ROCK2: variants seen among roughly 807,000 people sequenced by gnomAD.
The protein encoded by ROCK2 is Rho associated coiled-coil containing protein kinase 2, also known as rho-associated protein kinase 2.
ROCK2 carries 61 observed loss-of-function variants against 195.1 expected under a neutral mutation model. The observed-to-expected ratio is 0.31, with a 90% CI of 0.25 to 0.39. ROCK2 has a LOEUF of 0.39. Ranked by LOEUF, ROCK2 falls within the 10% of genes least tolerant of loss-of-function variation. ROCK2 has a pLI of 1.00. For missense variants in ROCK2, 1,109 were observed against 1,637.4 expected (o/e 0.68, Z 5.57); for synonymous variants, 504 against 545.5 (o/e 0.92, Z 1.06).
intron 1 of ROCK2, among the ~76,000 whole-genome samples, chr2:11,316,724 G>A (rs567537638): frequency 2.0e-5 from 3 of 152,248 alleles, no homozygotes; most frequent in African/African-American, 7.2e-5. Context: ...ATGCGACCAT[G>A]TATTTTAAGT....
chr2:11,216,136 T>A, intron 13 of ROCK2, 22 bp downstream of exon 13: 2 of 1,602,436 alleles, frequency 1.2e-6, no homozygotes, highest in Non-Finnish European at 8.5e-7. Context: ...AAAATGTTAA[T>A]AAAAAAGTGG....
At chr2:11,205,148 T>C (rs1664004252) in intron 20 of ROCK2, among the ~76,000 whole-genome samples, 1 of 152,214 alleles carries the variant, frequency 6.6e-6, no homozygotes, top group African/African-American at 2.4e-5. Flanking sequence ...CCAGAGGTTG[T>C]ACCCAATTAC....
At chr2:11,189,391 T>C (rs1000324564) in intron 32 of ROCK2, among the ~76,000 whole-genome samples, 5 of 152,186 alleles carry the variant, frequency 3.3e-5, no homozygotes, top group African/African-American at 1.2e-4. Flanking sequence ...TCCAGTAGAA[T>C]GTTAAAAACC....
chr2:11,198,395 T>A (rs1301222720), intron 25 of ROCK2, 96 bp downstream of exon 25: 40 of 829,320 alleles, frequency 4.8e-5, no homozygotes, highest in Non-Finnish European at 6.6e-5. Context: ...GTACATTCGA[T>A]GACTACTGCT....
chr2:11,245,048 A>T (rs1242059940), intron 4 of ROCK2, among the ~76,000 whole-genome samples: 1 of 151,864 alleles, frequency 6.6e-6, no homozygotes, highest in African/African-American at 2.4e-5. Context: ...TCCCACTTTT[A>T]AAAATCACAT....
intron 1 of ROCK2, among the ~76,000 whole-genome samples, chr2:11,301,348 T>G (rs1667698148): frequency 6.6e-6 from 1 of 152,182 alleles, no homozygotes. Context: ...TAAGGAATTT[T>G]TTATCTTCCT....
chr2:11,252,908 C>T (rs574775339), intron 3 of ROCK2, among the ~76,000 whole-genome samples: 15 of 150,788 alleles, frequency 9.9e-5, no homozygotes, highest in Non-Finnish European at 1.8e-4. Flanking sequence ...CAAACCTGCA[C>T]GTTCCGTGCA....
chr2:11,231,446 G>A (rs35432367), intron 5 of ROCK2, among the ~76,000 whole-genome samples: 60,133 of 151,906 alleles, frequency 0.4, 13,472 homozygotes, highest in Admixed American at 0.52. Context: ...GACCTCAGAT[G>A]ATCCACCCAC....
chr2:11,309,876 G>A (rs1287634317), intron 1 of ROCK2, among the ~76,000 whole-genome samples: 1 of 152,072 alleles, frequency 6.6e-6, no homozygotes, highest in East Asian at 1.9e-4. Flanking sequence ...AGCTACTCAG[G>A]AGGCTGAGGT....
At chr2:11,319,411 T>C (rs1481792978) in intron 1 of ROCK2, among the ~76,000 whole-genome samples, 2 of 152,224 alleles carry the variant, frequency 1.3e-5, no homozygotes, top group Admixed American at 1.3e-4. Flanking sequence ...TGTCTGTTAC[T>C]GGTGTATAAG....
Position 11,286,656 on chromosome 2 carries a change from A to G in ROCK2, c.224-17T>C. The G allele has an allele frequency of 7.9e-7, 1 of 1,260,974 alleles. No homozygotes were observed. Among genetic ancestry groups the G allele is most frequent in the Non-Finnish European group, 1.2e-6 (1 of 868,422 alleles). 78.1% of individuals were successfully genotyped at this position (1,260,974 alleles called of 1,614,324 possible). On this transcript the variant is annotated splice_polypyrimidine_tract_variant and intron_variant, in intron 2 of 32. Transcript: ENST00000315872. ...TTTTCTCATCTACCATAAAAAGATC[A>G]CCATACTTATAATATCAATCATATT...
At chr2:11,230,813 G>A (rs780220050) in intron 5 of ROCK2, among the ~76,000 whole-genome samples, 1 of 151,904 alleles carries the variant, frequency 6.6e-6, no homozygotes, top group Non-Finnish European at 1.5e-5. Flanking sequence ...CAGAAATCTT[G>A]GAGTTGGTCT....
chr2:11,219,528 A>G (rs1664555330), intron 9 of ROCK2, among the ~76,000 whole-genome samples: 1 of 152,042 alleles, frequency 6.6e-6, no homozygotes, highest in South Asian at 2.1e-4. Context: ...CCATCAATCA[A>G]TCAATCAAAT....
At chr2:11,195,812 A>G (rs1663613325) in intron 27 of ROCK2, among the ~76,000 whole-genome samples, 1 of 152,198 alleles carries the variant, frequency 6.6e-6, no homozygotes, top group South Asian at 2.1e-4. Context: ...ACCACACCTG[A>G]CCAATTACGT....
intron 3 of ROCK2, among the ~76,000 whole-genome samples, chr2:11,283,563 G>A (rs1260535728): frequency 6.6e-4 from 22 of 33,442 alleles, no homozygotes; most frequent in South Asian, 4.8e-3. Flanking sequence ...GCGAGACTCC[G>A]TCTCAAAAAA....
chr2:11,237,175 T>C (rs1343856834), intron 4 of ROCK2, among the ~76,000 whole-genome samples: 19 of 152,022 alleles, frequency 1.2e-4, no homozygotes, highest in Admixed American at 1.2e-3. Flanking sequence ...AAAATATATG[T>C]AAAATCGATA....
intron 32 of ROCK2, among the ~76,000 whole-genome samples, chr2:11,187,291 CGTT>C (rs1340883826): frequency 6.6e-6 from 1 of 152,218 alleles, no homozygotes. Flanking sequence ...AACTGCCCAA[CGTT>C]GTAAACAGCG....
chr2:11,291,481 C>A (rs1667361284), intron 1 of ROCK2, among the ~76,000 whole-genome samples: 1 of 152,044 alleles, frequency 6.6e-6, no homozygotes, highest in Admixed American at 6.6e-5. Context: ...ACCCAGGGGG[C>A]GGAAGTTGCA....
At chr2:11,318,660 A>T (rs1429221792) in intron 1 of ROCK2, among the ~76,000 whole-genome samples, 1 of 152,044 alleles carries the variant, frequency 6.6e-6, no homozygotes, top group Non-Finnish European at 1.5e-5. Flanking sequence ...GGTGTTTTAG[A>T]CATGAAGTCC....
Sources: allele counts gnomAD v4.1 joint callset (sites outside exome capture counted in the v4.1 genomes callset), GRCh38; gene constraint gnomAD v4.1.1; transcripts MANE v1.5; gene names NCBI Gene and HGNC (gene_info 2026-07-23, HGNC 2026-07-21).